Variants in APPL1 observed in about 807,000 individuals in gnomAD.
The protein encoded by APPL1 is DCC-interacting protein 13-alpha.
A neutral mutation model predicts 106.8 loss-of-function variants in APPL1; 42 were observed. The observed-to-expected ratio is 0.39, with a 90% CI of 0.31 to 0.51. The LOEUF (loss-of-function observed/expected upper bound fraction) is 0.51. APPL1 is among the 20% of genes least tolerant of loss of function. The pLI is 0.75. For missense variants in APPL1, 769 were observed against 858.2 expected (o/e 0.90, Z 1.30); for synonymous variants, 263 against 281.8 (o/e 0.93, Z 0.67).
At position 57,246,110 on chromosome 3, in the gene APPL1, C is replaced by G; in HGVS notation, c.509C>G (p.Ser170Cys). Residue 170 changes from serine (S) to cysteine (C), a missense_variant, in exon 8 of 22, where the codon TCC (serine) becomes TGC (cysteine). Transcript: ENST00000288266. ...KYEVTEDVYT[S>C]RKKQHQTMMH... ...GAAGTAACAGAAGATGTGTACACAT[C>G]CAGAAAGAAACAACACCAGACCATG... The G allele has an allele frequency of 6.2e-7, 1 of 1,610,192 alleles. No homozygotes were observed. Among genetic ancestry groups the G allele is most frequent in the Non-Finnish European group, 8.5e-7 (1 of 1,178,192 alleles).
chr3:57,231,708 T>A (rs2060687823), intron 1 of APPL1, among the ~76,000 whole-genome samples: 1 of 151,054 alleles, frequency 6.6e-6, no homozygotes, highest in East Asian at 1.9e-4. Context: ...TTCAGGAGGC[T>A]AGGGCAGGAG....
intron 1 of APPL1, among the ~76,000 whole-genome samples, chr3:57,234,855 C>T (rs1407190192): frequency 6.6e-6 from 1 of 151,842 alleles, no homozygotes; most frequent in East Asian, 1.9e-4. Flanking sequence ...CGGGGTTTCA[C>T]TGTGTTAACC....
chr3:57,229,939 C>G (rs2060678004), intron 1 of APPL1, among the ~76,000 whole-genome samples: 3 of 152,228 alleles, frequency 2.0e-5, no homozygotes, highest in Admixed American at 2.0e-4. Context: ...GTCTCGAACT[C>G]CTGACCTCAG....
chr3:57,263,412 A>C (rs573302815), intron 19 of APPL1, among the ~76,000 whole-genome samples: 3 of 129,656 alleles, frequency 2.3e-5, no homozygotes, highest in Admixed American at 8.5e-5. Context: ...TCCCCACACT[A>C]CCCTTCTCAG....
rs139290425 is a variant in APPL1, at chr3:57,269,109, T to C, written c.1984-432T>C. 1.0e-3 allele frequency: 161 copies of C among 159,082 alleles called. 1 individual carries two copies. The highest frequency in any genetic ancestry group is 3.6e-3 in the African/African-American group (150 of 41,574). 9.9% of individuals were successfully genotyped at this position (159,082 alleles called of 1,614,324 possible). A position where few individuals can be genotyped will look rare whatever the true frequency, so the allele number is the denominator to read the frequency against. On this transcript the variant is annotated intron_variant, in intron 21 of 21. Transcript: ENST00000288266. Reference sequence around the variant, plus strand: ...GAAGAGGGAAGTGGCAAAGATGACATTGAAGTGAGGCTTTCTTGATAGGCG... The same window carrying C: ...GAAGAGGGAAGTGGCAAAGATGACACTGAAGTGAGGCTTTCTTGATAGGCG...
Position 57,246,062 on chromosome 3 carries a change from C to T in APPL1, c.475-14C>T. 6.5e-7 allele frequency: 1 copy of T among 1,544,826 alleles called. No homozygotes were observed. The highest frequency in any genetic ancestry group is 8.7e-7 in the Non-Finnish European group (1 of 1,148,150). On this transcript the variant is annotated splice_polypyrimidine_tract_variant and intron_variant, in intron 7 of 21. Coordinates refer to ENST00000288266, the MANE Select transcript of APPL1 (RefSeq NM_012096.3). ...AGATTATTTACTTAATTATTTAAAT[C>T]TTTTCATTCAAAGGTGAAGTATGAA...
At chr3:57,245,394 G>A (rs952705560) in intron 7 of APPL1, among the ~76,000 whole-genome samples, 1 of 152,132 alleles carries the variant, frequency 6.6e-6, no homozygotes, top group African/African-American at 2.4e-5. Flanking sequence ...GGGGAGAATG[G>A]TATGCTGTGA....
chr3:57,259,115 ACTG>A (rs1183764594), intron 16 of APPL1, 35 bp downstream of exon 16: 2 of 1,532,986 alleles, frequency 1.3e-6, no homozygotes, highest in Non-Finnish European at 1.8e-6. Context: ...ATATTTTAGA[ACTG>A]CTTCTCAGCA....
chr3:57,262,966 C>G (rs1348224338), intron 19 of APPL1, among the ~76,000 whole-genome samples: 5 of 151,744 alleles, frequency 3.3e-5, no homozygotes, highest in Non-Finnish European at 5.9e-5. Context: ...ATTCTCCTGC[C>G]TCAGCCTCCT....
At chr3:57,250,010 A>G (rs1462443415) in intron 11 of APPL1, among the ~76,000 whole-genome samples, 1 of 152,188 alleles carries the variant, frequency 6.6e-6, no homozygotes, top group Non-Finnish European at 1.5e-5. Context: ...TGTTGTGAGG[A>G]ACAGAAATTC....
At chr3:57,246,583 C>G (rs970710553) in intron 8 of APPL1, among the ~76,000 whole-genome samples, 1 of 152,082 alleles carries the variant, frequency 6.6e-6, no homozygotes, top group Non-Finnish European at 1.5e-5. Context: ...ATCCCATATT[C>G]CTTGCATACT....
Position 57,247,544 on chromosome 3 carries a change from G to A in APPL1, c.704+67G>A, listed in dbSNP as rs1211630093. 2.5e-5 allele frequency: 25 copies of A among 1,001,292 alleles called. No individual in the cohort carries two copies. The East Asian group carries it at 5.9e-4, about 24-fold the overall frequency. The allele number at this position is 1,001,292 out of a possible 1,614,324, so 62.0% of individuals were successfully genotyped here. A position where few individuals can be genotyped will look rare whatever the true frequency, so the allele number is the denominator to read the frequency against. On this transcript the variant is annotated intron_variant, in intron 9 of 21. Coordinates refer to ENST00000288266, the MANE Select transcript of APPL1 (RefSeq NM_012096.3). ...AATGATAACAGCTCAATGACATAAT[G>A]TAAAGATATTTATCATTTACTTTCC... is the stretch of plus-strand genomic sequence containing the variant.
At chr3:57,234,657 A>T (rs565019424) in intron 1 of APPL1, among the ~76,000 whole-genome samples, 24 of 149,472 alleles carry the variant, frequency 1.6e-4, no homozygotes, top group East Asian at 8.1e-4. Flanking sequence ...ATTTAAAAAA[A>T]TTTTTTTATT....
chr3:57,253,679 C>T lies in APPL1; in HGVS notation c.1096-3C>T. 7.0e-7 allele frequency: 1 copy of T among 1,427,184 alleles called. No homozygotes were observed. The highest frequency in any genetic ancestry group is 9.2e-7 in the Non-Finnish European group (1 of 1,083,550). 88.4% of individuals were successfully genotyped at this position (1,427,184 alleles called of 1,614,324 possible). A position where few individuals can be genotyped will look rare whatever the true frequency, so the allele number is the denominator to read the frequency against. On this transcript the variant is annotated splice_region_variant and splice_polypyrimidine_tract_variant and intron_variant, in intron 12 of 21. Transcript: ENST00000288266. The stretch of plus-strand genomic sequence containing the variant: ...TATATTTTTCTATTTTTTCCTCTTG[C>T]AGTGGATCTGTACAATAAACAACAT...
At chr3:57,233,616 T>G (rs888778347) in intron 1 of APPL1, among the ~76,000 whole-genome samples, 7 of 152,172 alleles carry the variant, frequency 4.6e-5, no homozygotes, top group African/African-American at 1.7e-4. Flanking sequence ...GTGGAGTGTT[T>G]GAAAAATATT....
chr3:57,227,960 C>A, intron 1 of APPL1, 23 bp downstream of exon 1: 1 of 1,421,832 alleles, frequency 7.0e-7, no homozygotes, highest in Non-Finnish European at 9.3e-7. Flanking sequence ...AGCTGGTGGG[C>A]GACGAGGGAG....
chr3:57,247,590 C>A, intron 9 of APPL1, 113 bp downstream of exon 9: 3 of 706,296 alleles, frequency 4.2e-6, no homozygotes, highest in Non-Finnish European at 4.5e-6. Flanking sequence ...TTTTCCCTGC[C>A]ATGAGAGTTT....
rs1415734208 is a variant in APPL1, at chr3:57,246,192, A to C, written c.591A>C (p.Leu197Phe). ...AGTACAAGAAGAAAATAGCATTGTT[A>C]GAACCTCTACTTGGGTACATGCAAG... ...TLQYKKKIALLEPLLGYMQAQ... is the reference protein window; with the variant it reads ...TLQYKKKIALFEPLLGYMQAQ... The change falls in exon 8 of 22, where the codon TTA becomes TTC. Residue 197 changes from leucine (L) to phenylalanine (F), a missense_variant. Leu to Phe is a conservative substitution (Grantham distance 22). Coordinates refer to ENST00000288266, the MANE Select transcript of APPL1 (RefSeq NM_012096.3). 3.1e-6 allele frequency: 5 copies of C among 1,609,030 alleles called. No homozygotes were observed. The South Asian group carries it at 5.6e-5, about 18-fold the overall frequency.
chr3:57,264,672 C>T (rs1233568915), intron 19 of APPL1, among the ~76,000 whole-genome samples: 16 of 151,606 alleles, frequency 1.1e-4, no homozygotes, highest in East Asian at 3.9e-4. Context: ...CCAGTTTTCC[C>T]GGCACCATTT....
Sources: allele counts gnomAD v4.1 joint callset (sites outside exome capture counted in the v4.1 genomes callset), GRCh38; gene constraint gnomAD v4.1.1; transcripts MANE v1.5; gene names NCBI Gene and HGNC (gene_info 2026-07-23, HGNC 2026-07-21).